The following GRIN3A variants were observed in gnomAD, a reference collection of about 807,000 sequenced individuals.
GRIN3A encodes glutamate receptor ionotropic, NMDA 3A.
Under a neutral mutation model 92.4 loss-of-function variants are expected in GRIN3A, and 47 were observed. That is an observed-to-expected ratio of 0.51 (90% CI 0.40 to 0.65). The LOEUF (loss-of-function observed/expected upper bound fraction) is 0.65. Among genes scored for constraint, GRIN3A ranks in the 30% least tolerant of loss-of-function variants. GRIN3A has a pLI of 0.00. For missense variants in GRIN3A, 1,324 were observed against 1,393.1 expected, an observed-to-expected ratio of 0.95 and a Z score of 0.79; for synonymous variants, 527 against 540.6, an observed-to-expected ratio of 0.97 and a Z score of 0.35.
intron 6 of GRIN3A, chr9:101,595,002 G>C: frequency 2.0e-6 from 3 of 1,514,970 alleles, no homozygotes; most frequent in Non-Finnish European, 2.7e-6. Flanking sequence ...GCTCGTGCCC[G>C]GACGGTTGGG....
At chr9:101,619,583 A>T (rs1250365196) in intron 5 of GRIN3A, among the ~76,000 whole-genome samples, 1 of 152,250 alleles carries the variant, frequency 6.6e-6, no homozygotes, top group African/African-American at 2.4e-5. Flanking sequence ...CAGGTGAGGA[A>T]CCTGAAGAGT....
chr9:101,620,292 T>G (rs918307243), intron 5 of GRIN3A, among the ~76,000 whole-genome samples: 3 of 152,160 alleles, frequency 2.0e-5, no homozygotes, highest in African/African-American at 7.2e-5. Flanking sequence ...CCTCACATGC[T>G]GAAAAGGGTG....
intron 3 of GRIN3A, among the ~76,000 whole-genome samples, chr9:101,666,650 T>C (rs1025391193): frequency 2.0e-5 from 3 of 152,038 alleles, no homozygotes; most frequent in African/African-American, 7.2e-5. Context: ...ATTAAAAGTT[T>C]AAAATATGCC....
At chr9:101,682,836 G>T (rs1829475944) in intron 2 of GRIN3A, among the ~76,000 whole-genome samples, 1 of 152,104 alleles carries the variant, frequency 6.6e-6, no homozygotes, top group Non-Finnish European at 1.5e-5. Context: ...CAAAAAATTA[G>T]CCAGGCGTGG....
intron 2 of GRIN3A, among the ~76,000 whole-genome samples, chr9:101,673,346 C>A (rs1012044521): frequency 6.6e-6 from 1 of 152,014 alleles, no homozygotes; most frequent in Admixed American, 6.6e-5. Flanking sequence ...GGACAAGGCC[C>A]AGTTGTCTTT....
Position 101,670,673 on chromosome 9 carries a change from C to A in GRIN3A, c.1739G>T (p.Cys580Phe). Residue 580 changes from cysteine (C) to phenylalanine (F), a missense_variant, in exon 3 of 9, where the codon TGC becomes TTC. Transcript: ENST00000361820. Reference sequence around the variant, plus strand: ...TGCTATCTTTTCCAGCAGATCAATGCAATATCCATAGCAGCACTTCTTGAA... The same window carrying A: ...TGCTATCTTTTCCAGCAGATCAATGAAATATCCATAGCAGCACTTCTTGAA... ...IKFKKCCYGY[C>F]IDLLEKIAED... is the part of the protein sequence containing the mutation. 1 of 1,614,036 alleles carries A rather than the reference C, an allele frequency of 6.2e-7. No individual in the cohort carries two copies. The highest frequency in any genetic ancestry group is 1.1e-5 in the South Asian group (1 of 91,084).
chr9:101,690,244 A>C (rs1829597664), intron 1 of GRIN3A, among the ~76,000 whole-genome samples: 1 of 152,154 alleles, frequency 6.6e-6, no homozygotes, highest in South Asian at 2.1e-4. Context: ...ATTATTTTTC[A>C]TATTGTATAC....
chr9:101,728,416 A>G (rs1830102999), intron 1 of GRIN3A, among the ~76,000 whole-genome samples: 1 of 152,172 alleles, frequency 6.6e-6, no homozygotes, highest in African/African-American at 2.4e-5. Context: ...TTTGAAAGGT[A>G]CAAGTTGAGC....
intron 6 of GRIN3A, among the ~76,000 whole-genome samples, chr9:101,582,157 CCACCTCTATTCTGGAGAAACAG>C (rs1374330786): frequency 6.6e-6 from 1 of 152,188 alleles, no homozygotes; most frequent in Non-Finnish European, 1.5e-5. Context: ...CCACCTCTCT[CCACCTCTATTCTGGAGAAACAG>C]CCGGCCAGGC....
intron 6 of GRIN3A, among the ~76,000 whole-genome samples, chr9:101,612,242 T>A (rs1362754424): frequency 2.0e-5 from 3 of 152,314 alleles, no homozygotes; most frequent in East Asian, 3.9e-4. Context: ...ATGGGCATAT[T>A]CGAGGCATAT....
At chr9:101,641,431 A>G (rs1828861194) in intron 3 of GRIN3A, among the ~76,000 whole-genome samples, 1 of 152,224 alleles carries the variant, frequency 6.6e-6, no homozygotes, top group East Asian at 1.9e-4. Context: ...TGTGGCACAT[A>G]TACACCATGG....
chr9:101,738,142 C>G lies in GRIN3A; in HGVS notation c.-163G>C, dbSNP rs1459485774. On this transcript the variant is annotated 5_prime_UTR_variant, in exon 1 of 9. Transcript: ENST00000361820. Reference sequence around the variant, plus strand: ...GGTCTCTAGGCCATGCAAGTTGGAGCGTAGCGCGCCTCCGGCAGTCTCAGA... The same window carrying G: ...GGTCTCTAGGCCATGCAAGTTGGAGGGTAGCGCGCCTCCGGCAGTCTCAGA... The G allele has an allele frequency of 4.3e-6, 3 of 699,558 alleles. No individual in the cohort carries two copies. Among genetic ancestry groups the G allele is most frequent in the South Asian group, 3.1e-5 (2 of 63,534 alleles). 43.3% of individuals were successfully genotyped at this position (699,558 alleles called of 1,614,324 possible). A position where few individuals can be genotyped will look rare whatever the true frequency, so the allele number is the denominator to read the frequency against.
intron 1 of GRIN3A, among the ~76,000 whole-genome samples, chr9:101,718,746 G>T (rs1038868228): frequency 7.2e-5 from 11 of 152,222 alleles, no homozygotes; most frequent in South Asian, 6.2e-4. Context: ...TGGTGTCAGC[G>T]TGTCTTTAAC....
At chr9:101,610,665 C>T (rs540962984) in intron 6 of GRIN3A, among the ~76,000 whole-genome samples, 7 of 151,918 alleles carry the variant, frequency 4.6e-5, no homozygotes, top group Non-Finnish European at 1.0e-4. Flanking sequence ...ATCTAGATGT[C>T]TATCATCTAT....
At chr9:101,720,718 T>C (rs1564152202) in intron 1 of GRIN3A, among the ~76,000 whole-genome samples, 1 of 152,192 alleles carries the variant, frequency 6.6e-6, no homozygotes, top group African/African-American at 2.4e-5. Context: ...AGATATATAA[T>C]AGAAAAATGC....
intron 1 of GRIN3A, among the ~76,000 whole-genome samples, chr9:101,735,132 A>T (rs1297576524): frequency 6.8e-6 from 1 of 147,746 alleles, no homozygotes; most frequent in Non-Finnish European, 1.5e-5. Context: ...ACAGAATATT[A>T]TAGAATGACA....
Position 101,693,206 on chromosome 9 carries a change from C to A in GRIN3A, c.700-6006G>T, listed in dbSNP as rs144219078. ...ATCACCTGAGGTCATGAGTTTGAGA[C>A]CAGCCTGGCTAAGATGGTGAAACCC... On this transcript the variant is annotated intron_variant, in intron 1 of 8. Transcript: ENST00000361820. Among the ~76,000 whole-genome samples, 861 of 150,270 alleles carry A rather than the reference C, an allele frequency of 5.7e-3. 9 individuals carry two copies. The highest frequency in any genetic ancestry group is 0.02 in the African/African-American group (829 of 40,794).
At chr9:101,616,683 T>C (rs184764469) in intron 5 of GRIN3A, among the ~76,000 whole-genome samples, 3 of 128,222 alleles carry the variant, frequency 2.3e-5, no homozygotes, top group East Asian at 4.6e-4. Context: ...TAGGTGGGAG[T>C]TGAACAATGA....
intron 1 of GRIN3A, among the ~76,000 whole-genome samples, chr9:101,696,875 A>G (rs887897094): frequency 3.3e-5 from 5 of 152,092 alleles, no homozygotes; most frequent in African/African-American, 1.2e-4. Flanking sequence ...TAGAACTGAT[A>G]CCATAGTTGA....
Sources: gnomAD v4.1 joint callset for allele counts (sites outside exome capture counted in the v4.1 genomes callset) on GRCh38, gnomAD v4.1.1 for gene constraint, MANE v1.5 for transcripts, NCBI Gene and HGNC (gene_info 2026-07-23, HGNC 2026-07-21) for gene names.